RPTOR: variants seen among roughly 807,000 people sequenced by gnomAD.
The protein encoded by RPTOR is regulatory associated protein of MTOR complex 1.
In RPTOR, 21 loss-of-function variants were observed where a neutral mutation model predicts 169.9. The observed-to-expected ratio is 0.12, with a 90% CI of 0.09 to 0.18. RPTOR has a LOEUF of 0.18. RPTOR is among the 10% of genes least tolerant of loss of function. The probability of loss-of-function intolerance (pLI) is 1.00; values close to 1 mark genes in which losing one functional copy is unlikely to be tolerated. For synonymous variants in RPTOR, 732 were observed against 753.2 expected (o/e 0.97, Z 0.46); for missense variants, 1,133 against 1,855.9 (o/e 0.61, Z 7.16).
chr17:80,809,357 G>A (rs9904611), intron 7 of RPTOR, among the ~76,000 whole-genome samples: 40,246 of 151,890 alleles, frequency 0.26, 5,830 homozygotes, highest in African/African-American at 0.39. Flanking sequence ...ACGCCCAGCT[G>A]ATTTTTTGTA....
At chr17:80,889,412 G>A (rs555827927) in intron 17 of RPTOR, among the ~76,000 whole-genome samples, 3 of 152,314 alleles carry the variant, frequency 2.0e-5, no homozygotes, top group African/African-American at 7.2e-5. Flanking sequence ...GGGAGCAGGA[G>A]GACAGACAAT....
chr17:80,753,869 C>T, intron 5 of RPTOR, 141 bp from the exon 6 acceptor site: 3 of 785,224 alleles, frequency 3.8e-6, no homozygotes, highest in Non-Finnish European at 6.4e-6. Flanking sequence ...GCAGCGACGC[C>T]TCTCTCCAGA....
At chr17:80,774,612 T>G (rs1229584845) in intron 6 of RPTOR, among the ~76,000 whole-genome samples, 2 of 152,206 alleles carry the variant, frequency 1.3e-5, no homozygotes, top group African/African-American at 4.8e-5. Context: ...GAGCTGAAGT[T>G]ATTACATGTT....
At chr17:80,942,686 G>A (rs1032354709) in intron 25 of RPTOR, among the ~76,000 whole-genome samples, 1 of 152,198 alleles carries the variant, frequency 6.6e-6, no homozygotes, top group Non-Finnish European at 1.5e-5. Context: ...TGAGAAAAAG[G>A]AGGAATTGAT....
At chr17:80,596,161 A>T (rs916875907) in intron 1 of RPTOR, among the ~76,000 whole-genome samples, 1 of 148,970 alleles carries the variant, frequency 6.7e-6, no homozygotes. Context: ...ATTAATATTT[A>T]CATTTTATTT....
chr17:80,588,311 C>G (rs1049301327), intron 1 of RPTOR, among the ~76,000 whole-genome samples: 1 of 151,970 alleles, frequency 6.6e-6, no homozygotes, highest in African/African-American at 2.4e-5. Context: ...TACAGGTGTT[C>G]ACCACCACGC....
intron 3 of RPTOR, among the ~76,000 whole-genome samples, chr17:80,684,823 C>G (rs2065924598): frequency 6.6e-6 from 1 of 152,198 alleles, no homozygotes; most frequent in Non-Finnish European, 1.5e-5. Context: ...CTTTTTGCCA[C>G]TACACAGCGT....
rs912689029 is a variant in RPTOR at position 80,774,939 on chromosome 17, G to A, written c.831-16511G>A. ...TTGCTTATATGCAGCTTTCCTCCAC[G>A]GGCCCCGCCTGTGCGTAGTCGTGCT... On this transcript the variant is annotated intron_variant, in intron 6 of 33. Transcript: ENST00000306801. Among the ~76,000 whole-genome samples the A allele has an allele frequency of 5.9e-5, 9 of 152,300 alleles. No homozygotes were observed. In the East Asian group the frequency reaches 1.4e-3, roughly 23 times the overall value.
chr17:80,917,768 C>T (rs1249793724), intron 21 of RPTOR, among the ~76,000 whole-genome samples: 1 of 152,198 alleles, frequency 6.6e-6, no homozygotes, highest in African/African-American at 2.4e-5. Context: ...CCCTCTAGAA[C>T]TGCACCTCTC....
At chr17:80,916,464 C>T (rs992362586) in intron 21 of RPTOR, among the ~76,000 whole-genome samples, 1 of 152,262 alleles carries the variant, frequency 6.6e-6, no homozygotes, top group Non-Finnish European at 1.5e-5. Flanking sequence ...CCCACATTCA[C>T]TCTCACACCC....
At chr17:80,568,063 T>G (rs2064864972) in intron 1 of RPTOR, among the ~76,000 whole-genome samples, 1 of 151,806 alleles carries the variant, frequency 6.6e-6, no homozygotes, top group South Asian at 2.1e-4. Context: ...TGCGCTACTA[T>G]GCCCAGCTAA....
intron 5 of RPTOR, among the ~76,000 whole-genome samples, chr17:80,744,659 GAGCACAGCCCTGGCTACT>G (rs2066546844): frequency 1.5e-3 from 1 of 686 alleles, no homozygotes; most frequent in Non-Finnish European, 4.0e-3. Flanking sequence ...TCCTGGTTAC[GAGCACAGCCCTGGCTACT>G]AGCACAGCCC....
At chr17:80,584,041 G>A (rs550797068) in intron 1 of RPTOR, among the ~76,000 whole-genome samples, 63 of 152,348 alleles carry the variant, frequency 4.1e-4, no homozygotes, top group African/African-American at 1.5e-3. Flanking sequence ...TGTGGGGCCT[G>A]CTCTGCAGAG....
Position 80,754,223 on chromosome 17 carries a change from C to T in RPTOR, c.830+38C>T, listed in dbSNP as rs376882122. ...TGCTGTGCCCCTGGGACCCACTCAA[C>T]TGGGCTCTCCCGCAGGGACCCCAAC... On this transcript the variant is annotated intron_variant, in intron 6 of 33. Transcript: ENST00000306801. This position sits in a 1 kb window ranked among gnomAD's most constrained non-coding sequence, Gnocchi z 4.2. The T allele has an allele frequency of 2.3e-5, 36 of 1,548,408 alleles. No individual in the cohort carries two copies. In the African/African-American group the frequency reaches 3.8e-4, roughly 16 times the overall value.
chr17:80,744,119 T>G lies in RPTOR; in HGVS notation c.655-9891T>G, dbSNP rs1368639519. On this transcript the variant is annotated intron_variant, in intron 5 of 33. Transcript: ENST00000306801. ...TGGTTACTAGCACAGCCCTGGTTACTAGCACAGCCCTGGCTACTAGCACTA... is the reference window on the plus strand; with the variant it reads ...TGGTTACTAGCACAGCCCTGGTTACGAGCACAGCCCTGGCTACTAGCACTA... Among the ~76,000 whole-genome samples the G allele has an allele frequency of 1.5e-4, 14 of 95,122 alleles. 1 individual carries two copies. Among genetic ancestry groups the G allele is most frequent in the African/African-American group, 5.9e-4 (12 of 20,444 alleles). 62.4% of individuals were successfully genotyped at this position (95,122 alleles called of 152,430 possible). A position where few individuals can be genotyped will look rare whatever the true frequency, so the allele number is the denominator to read the frequency against.
chr17:80,809,986 A>T (rs182271167), intron 7 of RPTOR, among the ~76,000 whole-genome samples: 1 of 152,100 alleles, frequency 6.6e-6, no homozygotes, highest in Non-Finnish European at 1.5e-5. Flanking sequence ...GAGTCCGTCC[A>T]GCAGTGAGCT....
chr17:80,783,817 T>A (rs955335415), intron 6 of RPTOR, among the ~76,000 whole-genome samples: 3 of 152,250 alleles, frequency 2.0e-5, no homozygotes, highest in Non-Finnish European at 4.4e-5. Flanking sequence ...AGGGCCACTA[T>A]GAAATAGCAA....
At chr17:80,626,396 T>C (rs2065394594) in intron 2 of RPTOR, among the ~76,000 whole-genome samples, 1 of 151,956 alleles carries the variant, frequency 6.6e-6, no homozygotes, top group South Asian at 2.1e-4. Flanking sequence ...CTGGCACACA[T>C]AGTATCTATG....
intron 6 of RPTOR, among the ~76,000 whole-genome samples, chr17:80,759,189 T>TA (rs200571109): frequency 3.4e-3 from 512 of 151,500 alleles, no homozygotes; most frequent in Non-Finnish European, 5.9e-3. Flanking sequence ...ACCCCATCTG[T>TA]AAAAAAAAGT....
Sources: allele counts gnomAD v4.1 joint callset (sites outside exome capture counted in the v4.1 genomes callset), GRCh38; gene constraint gnomAD v4.1.1; non-coding constraint Gnocchi (gnomAD v3.1); transcripts MANE v1.5; gene names NCBI Gene and HGNC (gene_info 2026-07-23, HGNC 2026-07-21).